The following GFM1 variants were observed in gnomAD, a reference collection of about 807,000 sequenced individuals.
GFM1 encodes the protein G elongation factor mitochondrial 1, also known as elongation factor G, mitochondrial.
A neutral mutation model predicts 96.2 loss-of-function variants in GFM1; 62 were observed. The ratio of observed to expected loss-of-function variants is 0.64; its 90% CI spans 0.53 to 0.80. GFM1 has a LOEUF of 0.80. GFM1 is among the 30% of genes least tolerant of loss of function. The probability of loss-of-function intolerance (pLI) is 0.00; values close to 1 mark genes in which losing one functional copy is unlikely to be tolerated. For missense variants in GFM1, 852 were observed against 916.6 expected (o/e 0.93, Z 0.91); for synonymous variants, 282 against 312.9 (o/e 0.90, Z 1.04).
intron 13 of GFM1, among the ~76,000 whole-genome samples, chr3:158,681,171 A>C (rs901170351): frequency 2.0e-5 from 3 of 152,170 alleles, no homozygotes; most frequent in African/African-American, 7.2e-5. Context: ...TGTATGCAGG[A>C]ATGTGCAGTC....
At position 158,664,760 on chromosome 3, in the gene GFM1, T is replaced by C. The variant is rs144966742; in HGVS notation, c.1381-577T>C. 3.7e-3 allele frequency among the ~76,000 whole-genome samples: 563 copies of C among 152,288 alleles called. 3 individuals carry two copies. Among genetic ancestry groups the C allele is most frequent in the African/African-American group, 0.013 (544 of 41,550 alleles). ...CCCCTTTACTATGTAAGGCAGCGTA[T>C]TGTCAGATTTGGGAGGATTAGGGTA... On this transcript the variant is annotated intron_variant, in intron 11 of 17. Coordinates refer to ENST00000486715, the MANE Select transcript of GFM1 (RefSeq NM_024996.7).
In GFM1 at chr3:158,646,651, T is replaced by A. The variant is rs1454182459; in HGVS notation, c.368-92T>A. On this transcript the variant is annotated intron_variant, in intron 3 of 17. Transcript: ENST00000486715. ...ATCTACATTCTTATTAGAAGACTTA[T>A]GTGATGAGCAGAGATACAAAAACTT... 3 of 1,053,766 alleles carry A rather than the reference T, an allele frequency of 2.8e-6. No homozygotes were observed. In the East Asian group the frequency reaches 7.7e-5, roughly 27 times the overall value. 65.3% of individuals were successfully genotyped at this position (1,053,766 alleles called of 1,614,324 possible).
chr3:158,669,441 T>C, intron 13 of GFM1: 1 of 1,610,198 alleles, frequency 6.2e-7, no homozygotes, highest in Middle Eastern at 1.7e-4. Flanking sequence ...ACCTGGAATA[T>C]TTTGTGCTTC....
chr3:158,672,340 C>T, intron 13 of GFM1: 1 of 1,613,350 alleles, frequency 6.2e-7, no homozygotes, highest in Non-Finnish European at 8.5e-7. Context: ...CCACCCCCTG[C>T]TAAACTCACC....
intron 11 of GFM1, among the ~76,000 whole-genome samples, chr3:158,662,950 G>A (rs1473387817): frequency 1.3e-5 from 2 of 152,172 alleles, no homozygotes; most frequent in African/African-American, 4.8e-5. Flanking sequence ...AGAGTGTTAA[G>A]TGTAACTTCC....
chr3:158,672,496 T>G (rs1724436599), intron 13 of GFM1: 1 of 1,613,340 alleles, frequency 6.2e-7, no homozygotes, highest in Non-Finnish European at 8.5e-7. Context: ...GAGCAGTGAC[T>G]TCAGGGCTTG....
chr3:158,672,621 C>T (rs1010635204), intron 13 of GFM1: 1 of 929,076 alleles, frequency 1.1e-6, no homozygotes, highest in South Asian at 1.6e-5. Context: ...TCTTCCTCAG[C>T]TCCTTCCGAC....
At chr3:158,662,419 A>G (rs776424534) in intron 10 of GFM1, among the ~76,000 whole-genome samples, 3 of 152,198 alleles carry the variant, frequency 2.0e-5, no homozygotes, top group African/African-American at 4.8e-5. Context: ...GAACCTATAT[A>G]AGTAGATAGC....
At position 158,644,619 on chromosome 3, in the gene GFM1, GTGCTCTGCGCT is replaced by G; in HGVS notation, c.-12_-2del. On this transcript the variant is annotated 5_prime_UTR_variant, in exon 1 of 18. Transcript: ENST00000486715. ...ACCCGGCGCCACGGGACTTTGACGC[GTGCTCTGCGCT>G]TGCCATGAGACTCCTGGGAGCTGCA... The G allele has an allele frequency of 6.4e-7, 1 of 1,561,774 alleles. No individual in the cohort carries two copies. The highest frequency in any genetic ancestry group is 2.4e-5 in the East Asian group (1 of 42,282).
chr3:158,661,242 A>G (rs566144121), intron 10 of GFM1, among the ~76,000 whole-genome samples: 23 of 152,260 alleles, frequency 1.5e-4, no homozygotes, highest in South Asian at 1.5e-3. Context: ...CAAGGAGGAA[A>G]TATCTCCACC....
At chr3:158,667,109 T>C in intron 13 of GFM1, 1 of 1,530,110 alleles carries the variant, frequency 6.5e-7, no homozygotes, top group South Asian at 1.3e-5. Flanking sequence ...TGTTTAAAAC[T>C]TAATATCTTT....
intron 14 of GFM1, 127 bp from the exon 15 acceptor site, chr3:158,684,397 T>C (rs2108102001): frequency 2.3e-6 from 2 of 887,960 alleles, no homozygotes; most frequent in East Asian, 2.5e-5. Flanking sequence ...TAAAAAATTA[T>C]TTTTGAGGGG....
At chr3:158,657,799 C>T (rs1289085006) in intron 8 of GFM1, among the ~76,000 whole-genome samples, 1 of 151,988 alleles carries the variant, frequency 6.6e-6, no homozygotes, top group African/African-American at 2.4e-5. Context: ...ATTGATTTGT[C>T]ATGTTTCTTT....
chr3:158,684,031 T>C (rs1483279232), intron 14 of GFM1, among the ~76,000 whole-genome samples: 2 of 152,034 alleles, frequency 1.3e-5, no homozygotes, highest in African/African-American at 4.8e-5. Context: ...AAAAGAACAA[T>C]ATCATGTCCT....
intron 12 of GFM1, 72 bp from the exon 13 acceptor site, chr3:158,666,232 A>T: frequency 3.0e-6 from 3 of 1,015,344 alleles, no homozygotes. Context: ...ACTAAGATAT[A>T]TAAGATGCTT....
intron 15 of GFM1, 29 bp from the exon 16 acceptor site, chr3:158,690,133 CT>C (rs1270163385): frequency 1.3e-6 from 2 of 1,567,886 alleles, no homozygotes; most frequent in African/African-American, 2.7e-5. Flanking sequence ...TGTATGAAGA[CT>C]AATGAACTTT....
At position 158,654,586 on chromosome 3, in the gene GFM1, T is replaced by A; in HGVS notation, c.1038T>A (p.Ser346Arg). 1.2e-6 allele frequency: 2 copies of A among 1,613,258 alleles called. No individual in the cohort carries two copies. Among genetic ancestry groups the A allele is most frequent in the Non-Finnish European group, 1.7e-6 (2 of 1,179,268 alleles). The change falls in exon 8 of 18, where the codon AGT (serine) becomes AGA (arginine). Residue 346 changes from serine to arginine, a missense_variant. Transcript: ENST00000486715. ...AAACCAAAATCCTAATGAACTCCAG[T>A]AGAGACAATTCCCACCCATTTGTAG... Reference protein sequence around the residue: ...KEKTKILMNSSRDNSHPFVGL... With the variant: ...KEKTKILMNSRRDNSHPFVGL...
intron 4 of GFM1, among the ~76,000 whole-genome samples, chr3:158,648,492 C>G (rs953832878): frequency 6.6e-6 from 1 of 152,068 alleles, no homozygotes; most frequent in Non-Finnish European, 1.5e-5. Flanking sequence ...GCCTGGTCAA[C>G]ATAGTGAAAC....
Position 158,672,385 on chromosome 3 carries a change from A to G in GFM1, c.1601+5999A>G, listed in dbSNP as rs754979988. ...GCTTGTTTGACCTTCTGCACCTCAAACACCCTGTGCGGGGTCCCCTGCTGG... is the reference window on the plus strand; with the variant it reads ...GCTTGTTTGACCTTCTGCACCTCAAGCACCCTGTGCGGGGTCCCCTGCTGG... On this transcript the variant is annotated intron_variant, in intron 13 of 17. Transcript: ENST00000486715. 1.7e-5 allele frequency: 27 copies of G among 1,613,750 alleles called. 1 individual carries two copies. In the South Asian group the frequency reaches 2.9e-4, roughly 17 times the overall value.
Sources: allele counts gnomAD v4.1 joint callset (sites outside exome capture counted in the v4.1 genomes callset), GRCh38; gene constraint gnomAD v4.1.1; transcripts MANE v1.5; gene names NCBI Gene and HGNC (gene_info 2026-07-23, HGNC 2026-07-21).